RAB40C: variants seen among roughly 807,000 people sequenced by gnomAD.
RAB40C encodes RAB40C, member RAS oncogene family.
Under a neutral mutation model 28.1 loss-of-function variants are expected in RAB40C, and 8 were observed. The ratio of observed to expected loss-of-function variants is 0.28; its 90% CI spans 0.17 to 0.51. The LOEUF (loss-of-function observed/expected upper bound fraction) is 0.51. RAB40C is among the 20% of genes least tolerant of loss of function. The pLI is 0.97. For missense variants in RAB40C, 288 were observed against 405.9 expected (o/e 0.71, Z 2.50); for synonymous variants, 201 against 171.7 (o/e 1.17, Z -1.34).
At chr16:602,602 G>C (rs919415179) in intron 1 of RAB40C, among the ~76,000 whole-genome samples, 1 of 151,808 alleles carries the variant, frequency 6.6e-6, no homozygotes, top group Non-Finnish European at 1.5e-5. Flanking sequence ...CTAGTTTTTT[G>C]GTATTTTTTT....
At chr16:618,104 C>A in intron 2 of RAB40C, 96 bp from the exon 3 acceptor site, 1 of 1,206,798 alleles carries the variant, frequency 8.3e-7, no homozygotes, top group Non-Finnish European at 1.2e-6. Context: ...CGCCCCGCTC[C>A]CCTCAGGACA....
chr16:613,864 G>A (rs2036531901), intron 1 of RAB40C, among the ~76,000 whole-genome samples: 1 of 152,132 alleles, frequency 6.6e-6, no homozygotes, highest in Non-Finnish European at 1.5e-5. Context: ...GACGTGCATA[G>A]CCCTGGACTT....
chr16:590,615 A>G (rs1037781873), intron 1 of RAB40C, among the ~76,000 whole-genome samples, 182 bp downstream of exon 1: 11 of 152,118 alleles, frequency 7.2e-5, no homozygotes, highest in African/African-American at 2.4e-4. Flanking sequence ...TCCCGAGGTG[A>G]CGCCGGGGGG....
intron 1 of RAB40C, among the ~76,000 whole-genome samples, chr16:606,008 CAGTGGGTGG>C (rs2036354301): frequency 6.6e-6 from 1 of 152,242 alleles, no homozygotes; most frequent in East Asian, 1.9e-4. Context: ...AACCATTCCC[CAGTGGGTGG>C]ATTTTTAGTT....
intron 1 of RAB40C, among the ~76,000 whole-genome samples, chr16:607,077 A>AGCAGCCAGCCTCC (rs2036375356): frequency 6.6e-6 from 1 of 152,246 alleles, no homozygotes; most frequent in African/African-American, 2.4e-5. Context: ...ACGCAGGCTC[A>AGCAGCCAGCCTCC]GCAGCCAGCC....
rs2151084699 is a variant in RAB40C at position 629,113 on chromosome 16, C to T, written c.*1491C>T. On this transcript the variant is annotated 3_prime_UTR_variant, in exon 6 of 6. Transcript: ENST00000248139. ...CTGTCCTGTTGCTGCCAGCAGGGCC[C>T]TTGTTTGGGATTATGAACAAACCTC... 1 of 162,952 alleles carries T rather than the reference C, an allele frequency of 6.1e-6. No individual in the cohort carries two copies. Among genetic ancestry groups the T allele is most frequent in the African/African-American group, 2.4e-5 (1 of 41,962 alleles). 10.1% of individuals were successfully genotyped at this position (162,952 alleles called of 1,614,324 possible). A position where few individuals can be genotyped will look rare whatever the true frequency, so the allele number is the denominator to read the frequency against.
intron 1 of RAB40C, among the ~76,000 whole-genome samples, chr16:609,825 C>T (rs1489334081): frequency 6.6e-6 from 1 of 152,112 alleles, no homozygotes; most frequent in Admixed American, 6.5e-5. Flanking sequence ...CAGAGGTCAC[C>T]CTGGCTGGCG....
At chr16:621,381 C>T (rs1249012074) in intron 3 of RAB40C, among the ~76,000 whole-genome samples, 2 of 152,232 alleles carry the variant, frequency 1.3e-5, no homozygotes, top group East Asian at 1.9e-4. Flanking sequence ...GACTGTCTGT[C>T]CCAGCCGGGA....
intron 1 of RAB40C, among the ~76,000 whole-genome samples, chr16:601,985 G>T (rs537201371): frequency 6.6e-6 from 1 of 152,156 alleles, no homozygotes; most frequent in East Asian, 1.9e-4. Context: ...AGTTAGCGGG[G>T]TGTGGTGTCG....
intron 1 of RAB40C, among the ~76,000 whole-genome samples, chr16:597,014 C>T (rs996171013): frequency 2.0e-5 from 3 of 152,070 alleles, no homozygotes; most frequent in Admixed American, 6.6e-5. Flanking sequence ...AGGGCATTGG[C>T]GCTGTGGAGA....
At chr16:602,589 C>T (rs2036276235) in intron 1 of RAB40C, among the ~76,000 whole-genome samples, 1 of 152,022 alleles carries the variant, frequency 6.6e-6, no homozygotes. Flanking sequence ...CCACCACGCC[C>T]GGCTAGTTTT....
intron 1 of RAB40C, among the ~76,000 whole-genome samples, chr16:591,802 G>A (rs953902795): frequency 1.3e-5 from 2 of 151,944 alleles, no homozygotes; most frequent in African/African-American, 4.8e-5. Context: ...TCAGCATGTC[G>A]GCCAGGATGG....
chr16:618,384 T>C, intron 3 of RAB40C, 124 bp downstream of exon 3: 2 of 995,634 alleles, frequency 2.0e-6, no homozygotes, highest in South Asian at 1.8e-5. Flanking sequence ...TATTCTCACA[T>C]TGGTTTGTTT....
chr16:601,845 A>C (rs1028468142), intron 1 of RAB40C, among the ~76,000 whole-genome samples: 1 of 138,678 alleles, frequency 7.2e-6, no homozygotes, highest in Non-Finnish European at 1.6e-5. Flanking sequence ...AAAAAAAAAA[A>C]GGCCGGATGC....
At chr16:592,521 G>C (rs1001182043) in intron 1 of RAB40C, among the ~76,000 whole-genome samples, 13 of 152,196 alleles carry the variant, frequency 8.5e-5, no homozygotes, top group African/African-American at 3.1e-4. Flanking sequence ...TCACACGTTA[G>C]GCCCCTGCAC....
chr16:611,360 C>T (rs926348457), intron 1 of RAB40C, among the ~76,000 whole-genome samples: 2 of 152,192 alleles, frequency 1.3e-5, no homozygotes, highest in Non-Finnish European at 2.9e-5. Flanking sequence ...ATTGGCACGT[C>T]GAGGTGACCG....
chr16:620,121 G>C (rs1336307639), intron 3 of RAB40C, among the ~76,000 whole-genome samples: 1 of 152,212 alleles, frequency 6.6e-6, no homozygotes, highest in Non-Finnish European at 1.5e-5. Flanking sequence ...TGGGGCTGGT[G>C]CGGTGGTTCA....
At chr16:625,622 C>A in intron 4 of RAB40C, 113 bp downstream of exon 4, 1 of 1,133,546 alleles carries the variant, frequency 8.8e-7, no homozygotes, top group Non-Finnish European at 1.3e-6. Flanking sequence ...CCCGGCTCTG[C>A]ACCCTGCACT....
At position 617,300 on chromosome 16, in the gene RAB40C, G is replaced by A. The variant is rs749383875; in HGVS notation, c.203+32G>A. 6 of 1,612,434 alleles carry A rather than the reference G, an allele frequency of 3.7e-6. No individual in the cohort carries two copies. The Admixed American group carries it at 5.0e-5, about 13-fold the overall frequency. The stretch of plus-strand genomic sequence containing the variant: ...TGGGGCTGCGGCACTTCAGTTCCTG[G>A]GTGAGGACACAAATGCCGAAGGGAG... On this transcript the variant is annotated intron_variant, in intron 2 of 5. Coordinates refer to ENST00000248139, the MANE Select transcript of RAB40C (RefSeq NM_021168.5).
Sources: allele counts gnomAD v4.1 joint callset (sites outside exome capture counted in the v4.1 genomes callset), GRCh38; gene constraint gnomAD v4.1.1; transcripts MANE v1.5; gene names NCBI Gene and HGNC (gene_info 2026-07-23, HGNC 2026-07-21).